The following TSHZ3 variants were observed in gnomAD, a reference collection of about 807,000 sequenced individuals.
TSHZ3 encodes teashirt zinc finger homeobox 3.
TSHZ3 carries 10 observed loss-of-function variants against 64.5 expected under a neutral mutation model. That is an observed-to-expected ratio of 0.16 (90% CI 0.10 to 0.26). The LOEUF (loss-of-function observed/expected upper bound fraction) is 0.26, where lower values mean the gene tolerates loss of function less well. Among genes scored for constraint, TSHZ3 ranks in the 10% least tolerant of loss-of-function variants. The pLI, the probability that TSHZ3 is intolerant of heterozygous loss-of-function variation, is 1.00. For missense variants in TSHZ3, 1,242 were observed against 1,421.7 expected, an observed-to-expected ratio of 0.87 and a Z score of 2.03; for synonymous variants, 608 against 593.1, an observed-to-expected ratio of 1.03 and a Z score of -0.36.
rs574885954 is a variant in TSHZ3 at position 31,225,330 on chromosome 19, A to C, written n.686+2675T>G. On this transcript the variant is annotated intron_variant and non_coding_transcript_variant, in intron 4 of 6. Coordinates refer to the TSHZ3 transcript ENST00000651361. ...GGTCTGCAAACAAGCCTAGGGGGAT[A>C]AGCTGAATATATTTCCCCCAGCCTT... is the stretch of plus-strand genomic sequence containing the variant. Among the ~76,000 whole-genome samples the C allele has an allele frequency of 4.3e-4, 65 of 152,296 alleles. No homozygotes were observed. In the Middle Eastern group the frequency reaches 0.014, roughly 32 times the overall value.
At chr19:31,163,458 A>G (rs1475251676) in intron 5 of TSHZ3, among the ~76,000 whole-genome samples, 1 of 152,182 alleles carries the variant, frequency 6.6e-6, no homozygotes, top group Non-Finnish European at 1.5e-5. Flanking sequence ...GTGGCTGGGC[A>G]CAGTGGCTCA....
chr19:31,229,474 C>G (rs1357471237), intron 3 of TSHZ3, among the ~76,000 whole-genome samples: 1 of 152,116 alleles, frequency 6.6e-6, no homozygotes, highest in African/African-American at 2.4e-5. Flanking sequence ...CACTGCTTCA[C>G]ACCACATCCT....
chr19:31,221,503 A>T (rs1241666874), intron 4 of TSHZ3, among the ~76,000 whole-genome samples: 1 of 152,226 alleles, frequency 6.6e-6, no homozygotes. Flanking sequence ...GCCCGAGGTC[A>T]TCAGATACAC....
chr19:31,342,531 C>A (rs1316708194), intron 1 of TSHZ3, among the ~76,000 whole-genome samples: 1 of 152,132 alleles, frequency 6.6e-6, no homozygotes, highest in East Asian at 1.9e-4. Flanking sequence ...TCACTCAAGG[C>A]TTCATTAATA....
chr19:31,276,921 G>C lies in TSHZ3; in HGVS notation c.2872C>G (p.Arg958Gly), dbSNP rs1199726840. Residue 958 changes from arginine to glycine, a missense_variant, in exon 2 of 2, where the codon CGA (arginine) becomes GGA (glycine). Arg to Gly is a moderately radical substitution (Grantham distance 125). Coordinates refer to ENST00000240587, the MANE Select transcript of TSHZ3 (RefSeq NM_020856.4). ...HWLANVKYQL[R>G]RTGGTKFLKN... ...AGGAACTTTGTTCCACCTGTCCTTCGAAGCTGGTATTTCACGTTGGCCAGC... is the reference window on the plus strand; with the variant it reads ...AGGAACTTTGTTCCACCTGTCCTTCCAAGCTGGTATTTCACGTTGGCCAGC... 6.2e-7 allele frequency: 1 copy of C among 1,614,186 alleles called. No individual in the cohort carries two copies. Among genetic ancestry groups the C allele is most frequent in the Non-Finnish European group, 8.5e-7 (1 of 1,180,040 alleles).
intron 1 of TSHZ3, among the ~76,000 whole-genome samples, chr19:31,255,423 G>GTCACTAA (rs974633661): frequency 1.3e-5 from 2 of 152,108 alleles, no homozygotes; most frequent in African/African-American, 2.4e-5. Context: ...TCAGAACAAC[G>GTCACTAA]TCACTAAAGG....
chr19:31,313,866 C>G (rs1377878622), intron 1 of TSHZ3, among the ~76,000 whole-genome samples: 1 of 152,212 alleles, frequency 6.6e-6, no homozygotes, highest in Non-Finnish European at 1.5e-5. Flanking sequence ...GTCCGGGTAC[C>G]TGCATCCTGG....
intron 5 of TSHZ3, among the ~76,000 whole-genome samples, chr19:31,179,408 T>A (rs1329853159): frequency 6.6e-6 from 1 of 152,180 alleles, no homozygotes; most frequent in Non-Finnish European, 1.5e-5. Context: ...GTGCTCCCAA[T>A]TAGCCATTCC....
At chr19:31,205,113 C>T (rs895717678) in intron 4 of TSHZ3, among the ~76,000 whole-genome samples, 1 of 152,062 alleles carries the variant, frequency 6.6e-6, no homozygotes, top group Middle Eastern at 3.2e-3. Context: ...AGTGAGGTGC[C>T]ATTCTGGAGA....
At position 31,322,695 on chromosome 19, in the gene TSHZ3, C is replaced by T. The variant is rs553644675; in HGVS notation, c.40+26485G>A. Among the ~76,000 whole-genome samples, 9 of 152,344 alleles carry T rather than the reference C, an allele frequency of 5.9e-5. No homozygotes were observed. In the South Asian group the frequency reaches 1.7e-3, roughly 28 times the overall value. ...TCGGCCTCCCAAAGTGCTAGGATTACAGGCATGGGCCACCATCCCCAGCCA... is the reference window on the plus strand; with the variant it reads ...TCGGCCTCCCAAAGTGCTAGGATTATAGGCATGGGCCACCATCCCCAGCCA... On this transcript the variant is annotated intron_variant, in intron 1 of 1. Transcript: ENST00000240587.
In TSHZ3 at chr19:31,277,053, G is replaced by T; in HGVS notation, c.2740C>A (p.Leu914Ile). ...LILQAQFAAS[L>I]RQTSEGKYIM... is the part of the protein sequence containing the mutation. ...TACTTCCCTTCTGAGGTCTGCCGGA[G>T]GCTGGCGGCAAACTGGGCCTGGAGG... Residue 914 changes from leucine to isoleucine, a missense_variant, in exon 2 of 2, where the codon CTC (leucine) becomes ATC (isoleucine). Physicochemically the swap from Leu to Ile is conservative, Grantham distance 5. This residue lies in a region of TSHZ3 where 550 missense variants were observed against 545.1 expected (regional missense o/e 1.01). Coordinates refer to ENST00000240587, the MANE Select transcript of TSHZ3 (RefSeq NM_020856.4). The surrounding 1 kb of genome is among the most constrained non-coding windows in gnomAD (Gnocchi z 4.5). 6.2e-7 allele frequency: 1 copy of T among 1,609,468 alleles called. No individual in the cohort carries two copies. Among genetic ancestry groups the T allele is most frequent in the Non-Finnish European group, 8.5e-7 (1 of 1,176,906 alleles).
intron 1 of TSHZ3, among the ~76,000 whole-genome samples, chr19:31,259,728 G>A (rs949337144): frequency 6.6e-6 from 1 of 152,014 alleles, no homozygotes; most frequent in African/African-American, 2.4e-5. Context: ...GGGTGTAGAC[G>A]GCAGCTGTCA....
chr19:31,265,042 C>T (rs1178342442), intron 1 of TSHZ3, among the ~76,000 whole-genome samples: 1 of 151,984 alleles, frequency 6.6e-6, no homozygotes, highest in Non-Finnish European at 1.5e-5. Flanking sequence ...ACACTTCTGG[C>T]CCAAGGAGGA....
At chr19:31,202,915 G>T (rs1047001092) in intron 5 of TSHZ3, among the ~76,000 whole-genome samples, 1 of 152,190 alleles carries the variant, frequency 6.6e-6, no homozygotes, top group South Asian at 2.1e-4. Context: ...CAGGCATAGT[G>T]CCAGGAGATG....
chr19:31,272,389 G>A (rs530966869), downstream of TSHZ3, among the ~76,000 whole-genome samples: 1 of 152,326 alleles, frequency 6.6e-6, no homozygotes, highest in East Asian at 1.9e-4. Flanking sequence ...TGGGAAGGCT[G>A]TGGACACACA....
chr19:31,347,801 G>A (rs1053934229), intron 1 of TSHZ3, among the ~76,000 whole-genome samples: 2 of 152,210 alleles, frequency 1.3e-5, no homozygotes, highest in Non-Finnish European at 2.9e-5. Context: ...GGAGAAGAGA[G>A]AATTATCATT....
intron 1 of TSHZ3, among the ~76,000 whole-genome samples, chr19:31,344,606 C>T (rs927530888): frequency 6.6e-6 from 1 of 152,214 alleles, no homozygotes; most frequent in Non-Finnish European, 1.5e-5. Flanking sequence ...GCCTGCCTGC[C>T]TGCCGCAGCC....
At chr19:31,326,770 T>G (rs1490603466) in intron 1 of TSHZ3, among the ~76,000 whole-genome samples, 1 of 152,276 alleles carries the variant, frequency 6.6e-6, no homozygotes, top group Non-Finnish European at 1.5e-5. Context: ...GCAGTTCCTC[T>G]GCTCAGGGTA....
chr19:31,307,272 T>G (rs865920708), intron 1 of TSHZ3, among the ~76,000 whole-genome samples: 2 of 149,974 alleles, frequency 1.3e-5, no homozygotes, highest in Non-Finnish European at 3.0e-5. Flanking sequence ...AGAGTGCCAT[T>G]GTACCCCTTC....
Sources: allele counts gnomAD v4.1 joint callset (sites outside exome capture counted in the v4.1 genomes callset), GRCh38; gene constraint gnomAD v4.1.1; regional missense constraint gnomAD v4.1.1; non-coding constraint Gnocchi (gnomAD v3.1); transcripts MANE v1.5; gene names NCBI Gene and HGNC (gene_info 2026-07-23, HGNC 2026-07-21).